The following SGIP1 variants were observed in gnomAD, a reference collection of about 807,000 sequenced individuals.
SGIP1 encodes the protein SH3-containing GRB2-like protein 3-interacting protein 1.
Under a neutral mutation model 107.5 loss-of-function variants are expected in SGIP1, and 38 were observed. The observed-to-expected ratio is 0.35, with a 90% confidence interval of 0.27 to 0.46. SGIP1 has a LOEUF of 0.46. Among genes scored for constraint, SGIP1 ranks in the 20% least tolerant of loss-of-function variants. SGIP1 has a pLI of 1.00. For missense variants in SGIP1, 929 were observed against 1,019.5 expected (o/e 0.91, Z 1.21); for synonymous variants, 365 against 366.1 (o/e 1.00, Z 0.03).
intron 1 of SGIP1, among the ~76,000 whole-genome samples, chr1:66,620,941 A>G (rs1290917273): frequency 6.6e-6 from 1 of 152,188 alleles, no homozygotes; most frequent in Non-Finnish European, 1.5e-5. Flanking sequence ...CTTTTAACAC[A>G]ATTGAGCCAA....
chr1:66,615,216 C>G (rs984661979), intron 1 of SGIP1, among the ~76,000 whole-genome samples: 2 of 152,136 alleles, frequency 1.3e-5, no homozygotes, highest in Admixed American at 1.3e-4. Flanking sequence ...CTCACTGCAA[C>G]CTCTGTCTCC....
chr1:66,682,285 C>A lies in SGIP1; in HGVS notation c.1231C>A (p.Pro411Thr). The stretch of plus-strand genomic sequence containing the variant: ...TTTTGGGTTGGGACAAAGAGCAACT[C>A]CACCTCCCCCACCACCACCCACCTA... ...KDFGLGQRAT[P>T]PPPPPPTYRT... The change falls in exon 15 of 25, where the codon CCA becomes ACA. Residue 411 changes from proline to threonine, a missense_variant. By Grantham distance (38) the Pro-to-Thr change is conservative. Around this residue, in one of 2 missense-constraint regions of SGIP1, gnomAD observed 588 missense variants for 588.6 expected, o/e 1.00. Transcript: ENST00000371037. 1 of 1,614,234 alleles carries A rather than the reference C, an allele frequency of 6.2e-7. No individual in the cohort carries two copies. The highest frequency in any genetic ancestry group is 2.2e-5 in the East Asian group (1 of 44,870).
chr1:66,542,447 C>T (rs932411033), intron 1 of SGIP1, among the ~76,000 whole-genome samples: 2 of 152,078 alleles, frequency 1.3e-5, no homozygotes, highest in Admixed American at 1.3e-4. Context: ...GAGTGAATGA[C>T]GTATGCATTG....
chr1:66,715,021 T>C (rs975433058), intron 18 of SGIP1, among the ~76,000 whole-genome samples: 27 of 152,146 alleles, frequency 1.8e-4, no homozygotes, highest in African/African-American at 6.0e-4. Context: ...ATAATCTTTA[T>C]GCAAAATACC....
intron 17 of SGIP1, chr1:66,694,453 G>A (rs1323514182): frequency 6.2e-6 from 10 of 1,607,694 alleles, no homozygotes; most frequent in Non-Finnish European, 8.5e-6. Flanking sequence ...AGAAGACGAT[G>A]TTTTTTATGA....
chr1:66,583,754 C>G (rs1438428644), intron 1 of SGIP1, among the ~76,000 whole-genome samples: 1 of 152,124 alleles, frequency 6.6e-6, no homozygotes, highest in Non-Finnish European at 1.5e-5. Flanking sequence ...GTTCACATAG[C>G]TTGCTCCTGT....
At chr1:66,653,094 C>T (rs2079068234) in intron 7 of SGIP1, among the ~76,000 whole-genome samples, 2 of 152,156 alleles carry the variant, frequency 1.3e-5, no homozygotes, top group Admixed American at 1.3e-4. Context: ...TCTAGACAGA[C>T]CTGCAGGCAG....
intron 2 of SGIP1, among the ~76,000 whole-genome samples, chr1:66,630,837 AAG>A (rs1308297928): frequency 6.8e-5 from 1 of 14,760 alleles, no homozygotes; most frequent in Non-Finnish European, 1.3e-4. Context: ...GAAAGAAAGA[AAG>A]AAAGAAAGAA....
At chr1:66,684,262 T>A in intron 15 of SGIP1, 1 of 1,545,538 alleles carries the variant, frequency 6.5e-7, no homozygotes, top group Admixed American at 2.0e-5. Flanking sequence ...GTCATAAATA[T>A]TCCAAACTTA....
At chr1:66,617,013 G>C (rs1178026427) in intron 1 of SGIP1, among the ~76,000 whole-genome samples, 1 of 152,120 alleles carries the variant, frequency 6.6e-6, no homozygotes, top group Non-Finnish European at 1.5e-5. Flanking sequence ...AGAATGATGA[G>C]GTATTATCTT....
chr1:66,733,608 T>C (rs1232074881), intron 20 of SGIP1, 140 bp from the exon 21 acceptor site: 6 of 833,602 alleles, frequency 7.2e-6, no homozygotes, highest in Non-Finnish European at 1.1e-5. Flanking sequence ...ACCACACTAC[T>C]GTTAATAGAT....
At chr1:66,583,716 T>G (rs779438955) in intron 1 of SGIP1, among the ~76,000 whole-genome samples, 2 of 152,132 alleles carry the variant, frequency 1.3e-5, no homozygotes, top group Admixed American at 6.6e-5. Flanking sequence ...TTCTTCTGCA[T>G]ACTCCTTAGT....
chr1:66,539,850 G>A (rs1475275895), intron 1 of SGIP1, among the ~76,000 whole-genome samples: 2 of 151,958 alleles, frequency 1.3e-5, no homozygotes, highest in East Asian at 1.9e-4. Context: ...ATCTCAGCCC[G>A]CTCTCTCTCC....
intron 1 of SGIP1, among the ~76,000 whole-genome samples, chr1:66,617,744 G>C (rs1335704194): frequency 6.6e-6 from 1 of 152,070 alleles, no homozygotes; most frequent in Admixed American, 6.6e-5. Flanking sequence ...TATGTTCACT[G>C]GGCAGTATAT....
In SGIP1 at chr1:66,593,587, A is replaced by G. The variant is rs114794332; in HGVS notation, c.11-32260A>G. On this transcript the variant is annotated intron_variant, in intron 1 of 24. Coordinates refer to ENST00000371037, the MANE Select transcript of SGIP1 (RefSeq NM_032291.4). The stretch of plus-strand genomic sequence containing the variant: ...AATACTGGTATGAGCTACAAGGCAC[A>G]ATGAATTTCCCTTGATAGGTCAAAA... 4.8e-3 allele frequency among the ~76,000 whole-genome samples: 738 copies of G among 152,314 alleles called. 2 individuals carry two copies. Among genetic ancestry groups the G allele is most frequent in the Non-Finnish European group, 8.0e-3 (542 of 68,024 alleles).
intron 18 of SGIP1, among the ~76,000 whole-genome samples, chr1:66,707,744 C>T (rs1416791379): frequency 1.3e-5 from 2 of 152,146 alleles, no homozygotes; most frequent in Admixed American, 1.3e-4. Flanking sequence ...TGTCCAGGGG[C>T]ATTCACATCT....
At chr1:66,534,115 G>A, upstream of SGIP1, 1 of 588,766 alleles carries the variant, frequency 1.7e-6, no homozygotes, top group Non-Finnish European at 3.0e-6. Flanking sequence ...AGGCGGTGCA[G>A]CTCGGCCAGC....
intron 10 of SGIP1, 31 bp downstream of exon 10, chr1:66,671,050 T>G: frequency 8.3e-7 from 1 of 1,206,828 alleles, no homozygotes; most frequent in Non-Finnish European, 1.2e-6. Flanking sequence ...AGAAATAGTG[T>G]ATGATTTAAA....
chr1:66,588,959 G>T (rs2063118928), intron 1 of SGIP1, among the ~76,000 whole-genome samples: 3 of 149,542 alleles, frequency 2.0e-5, no homozygotes, highest in Admixed American at 2.0e-4. Flanking sequence ...GATAAGAAAA[G>T]AAAAAAAATT....
Sources: allele counts gnomAD v4.1 joint callset (sites outside exome capture counted in the v4.1 genomes callset), GRCh38; gene constraint gnomAD v4.1.1; regional missense constraint gnomAD v4.1.1; transcripts MANE v1.5; gene names NCBI Gene and HGNC (gene_info 2026-07-23, HGNC 2026-07-21).